PTPN3: variants seen among roughly 807,000 people sequenced by gnomAD.
The protein encoded by PTPN3 is tyrosine-protein phosphatase non-receptor type 3.
A neutral mutation model predicts 132.7 loss-of-function variants in PTPN3; 96 were observed. The ratio of observed to expected loss-of-function variants is 0.72; its 90% CI spans 0.61 to 0.86. PTPN3 has a LOEUF of 0.86. Among genes scored for constraint, PTPN3 ranks in the 40% least tolerant of loss-of-function variants. The probability of loss-of-function intolerance (pLI) is 0.00; values close to 1 mark genes in which losing one functional copy is unlikely to be tolerated. For missense variants in PTPN3, 1,125 were observed against 1,159.6 expected, an observed-to-expected ratio of 0.97 and a Z score of 0.43; for synonymous variants, 398 against 429.0, an observed-to-expected ratio of 0.93 and a Z score of 0.89.
At chr9:109,530,726 T>C in the PTPN3 span, among the ~76,000 whole-genome samples, 1 of 152,194 alleles carries the variant, frequency 6.6e-6, no homozygotes, top group African/African-American at 2.4e-5. Context: ...CTAACATATG[T>C]CATTTTCTGG....
intron 2 of PTPN3, 67 bp from the exon 3 acceptor site, chr9:109,457,466 G>A: frequency 1.6e-6 from 2 of 1,277,910 alleles, no homozygotes; most frequent in Non-Finnish European, 2.2e-6. Flanking sequence ...CATCTTTACT[G>A]TAGGCAAAAA....
At chr9:109,404,688 T>A in intron 18 of PTPN3, 80 bp from the exon 19 acceptor site, 1 of 1,328,488 alleles carries the variant, frequency 7.5e-7, no homozygotes, top group Non-Finnish European at 9.7e-7. Context: ...ATCACACCTA[T>A]GACACCTGAA....
intron 1 of PTPN3, among the ~76,000 whole-genome samples, chr9:109,465,919 G>T (rs542869693): frequency 6.6e-6 from 1 of 151,936 alleles, no homozygotes; most frequent in African/African-American, 2.4e-5. Context: ...TGCTTGCAAA[G>T]CTCTTTCTGC....
At chr9:109,388,064 C>CA (rs1344345371) in intron 22 of PTPN3, among the ~76,000 whole-genome samples, 2 of 152,172 alleles carry the variant, frequency 1.3e-5, no homozygotes. Flanking sequence ...CAGCCAGCTG[C>CA]ACACCTGCTG....
intron 10 of PTPN3, among the ~76,000 whole-genome samples, chr9:109,431,486 C>T (rs1358007431): frequency 1.3e-5 from 2 of 152,144 alleles, no homozygotes; most frequent in African/African-American, 4.8e-5. Flanking sequence ...CCTGAGTGGG[C>T]CAGAGAGCTG....
chr9:109,420,497 A>G lies in PTPN3; in HGVS notation c.1240T>C (p.Tyr414His), dbSNP rs751714294. 6.2e-7 allele frequency: 1 copy of G among 1,613,748 alleles called. No homozygotes were observed. The highest frequency in any genetic ancestry group is 1.7e-5 in the Admixed American group (1 of 60,022). Reference sequence around the variant, plus strand: ...GGGGCCAGAGAGCCCTTGTACGTGTAAAATACATCTTCCGTTTCCGTGATG... The same window carrying G: ...GGGGCCAGAGAGCCCTTGTACGTGTGAAATACATCTTCCGTTTCCGTGATG... ...TYITETEDVF[Y>H]TYKGSLAPQD... The change falls in exon 14 of 26, where the codon TAC becomes CAC. Residue 414 changes from tyrosine to histidine, a missense_variant. Coordinates refer to ENST00000374541, the MANE Select transcript of PTPN3 (RefSeq NM_002829.4).
chr9:109,406,919 T>C (rs1295317783), intron 17 of PTPN3, among the ~76,000 whole-genome samples: 1 of 152,216 alleles, frequency 6.6e-6, no homozygotes, highest in Non-Finnish European at 1.5e-5. Flanking sequence ...AATATAACTA[T>C]ACCATTTCCA....
rs867698058 is a variant in PTPN3, at chr9:109,427,034, G to A, written c.917C>T (p.Thr306Met). ...NLWKSCVEHH[T>M]FFQAKKLLPQ... ...TAGTAGCTTCTTTGCCTGAAAGAACGTATGGTGCTCAACACAGGATTTCCA... is the reference window on the plus strand; with the variant it reads ...TAGTAGCTTCTTTGCCTGAAAGAACATATGGTGCTCAACACAGGATTTCCA... Residue 306 changes from threonine to methionine, a missense_variant, in exon 12 of 26, where the codon ACG becomes ATG. Transcript: ENST00000374541. 7 of 1,613,620 alleles carry A rather than the reference G, an allele frequency of 4.3e-6. No individual in the cohort carries two copies. Among genetic ancestry groups the A allele is most frequent in the Non-Finnish European group, 5.9e-6 (7 of 1,179,518 alleles).
At chr9:109,406,222 A>G (rs1355120259) in intron 18 of PTPN3, among the ~76,000 whole-genome samples, 1 of 152,130 alleles carries the variant, frequency 6.6e-6, no homozygotes, top group Admixed American at 6.5e-5. Flanking sequence ...TGTCCTGTAT[A>G]AAGGGGCTGC....
rs566734221 is a variant in PTPN3 at position 109,383,312 on chromosome 9, C to T, written c.2382+111G>A. On this transcript the variant is annotated intron_variant, in intron 23 of 25. Coordinates refer to ENST00000374541, the MANE Select transcript of PTPN3 (RefSeq NM_002829.4). ...GGGCAGTCTTGCGCACTTACTGACA[C>T]GCTTGCCAGGTGCAAACAGAGTGCA... 328 of 1,577,614 alleles carry T rather than the reference C, an allele frequency of 2.1e-4. 1 individual carries two copies. The African/African-American group carries it at 2.4e-3, about 11-fold the overall frequency.
chr9:109,406,212 T>C (rs1464259756), intron 18 of PTPN3, among the ~76,000 whole-genome samples: 1 of 152,176 alleles, frequency 6.6e-6, no homozygotes, highest in African/African-American at 2.4e-5. Context: ...TGGGGGCTCA[T>C]GTCCTGTATA....
At chr9:109,511,106 GA>G in the PTPN3 span, among the ~76,000 whole-genome samples, 1 of 152,100 alleles carries the variant, frequency 6.6e-6, no homozygotes, top group Non-Finnish European at 1.5e-5. Flanking sequence ...CTGACCATGG[GA>G]ATTTTATGAC....
chr9:109,426,537 T>C (rs1237801650), intron 12 of PTPN3, among the ~76,000 whole-genome samples: 1 of 152,172 alleles, frequency 6.6e-6, no homozygotes, highest in Admixed American at 6.5e-5. Context: ...TCTGGAAATG[T>C]TTTTCTATTC....
chr9:109,415,541 G>C (rs1287571948), intron 14 of PTPN3, among the ~76,000 whole-genome samples: 1 of 152,214 alleles, frequency 6.6e-6, no homozygotes, highest in Non-Finnish European at 1.5e-5. Context: ...ATTTCAGAAT[G>C]ATAAATTTGC....
chr9:109,536,108 A>G, the PTPN3 span, among the ~76,000 whole-genome samples: 1 of 152,220 alleles, frequency 6.6e-6, no homozygotes, highest in African/African-American at 2.4e-5. Flanking sequence ...TATAAATGGA[A>G]TAATAATAAT....
chr9:109,504,979 AAGAG>A, the PTPN3 span, among the ~76,000 whole-genome samples: 956 of 152,336 alleles, frequency 6.3e-3, 13 homozygotes, highest in African/African-American at 0.022. Flanking sequence ...ACTGAAAACA[AAGAG>A]AGAGGAAAAC....
At chr9:109,434,806 T>C (rs76959485) in intron 9 of PTPN3, among the ~76,000 whole-genome samples, 214 of 152,298 alleles carry the variant, frequency 1.4e-3, no homozygotes, top group African/African-American at 3.9e-3. Flanking sequence ...AGAAGGGGGC[T>C]TGGCATATGG....
chr9:109,523,116 CT>C, the PTPN3 span, among the ~76,000 whole-genome samples: 9,429 of 139,930 alleles, frequency 0.067, 320 homozygotes, highest in South Asian at 0.16. Context: ...AAATTTATAT[CT>C]TTTTTTTTTT....
chr9:109,405,105 C>T (rs1841453219), intron 18 of PTPN3, among the ~76,000 whole-genome samples: 1 of 152,188 alleles, frequency 6.6e-6, no homozygotes, highest in South Asian at 2.1e-4. Context: ...ATGTGGGAGG[C>T]TCCCACGTAA....
Sources: gnomAD v4.1 joint callset for allele counts (sites outside exome capture counted in the v4.1 genomes callset) on GRCh38, gnomAD v4.1.1 for gene constraint, MANE v1.5 for transcripts, NCBI Gene and HGNC (gene_info 2026-07-23, HGNC 2026-07-21) for gene names.